The following PLXNA2 variants were observed in gnomAD, a reference collection of about 807,000 sequenced individuals.
PLXNA2 encodes plexin A2.
PLXNA2 carries 91 observed loss-of-function variants against 193.5 expected under a neutral mutation model. That is an observed-to-expected ratio of 0.47 (90% CI 0.40 to 0.56). PLXNA2 has a LOEUF of 0.56. PLXNA2 is among the 20% of genes least tolerant of loss of function. PLXNA2 has a pLI of 0.00. For missense variants in PLXNA2, 1,995 were observed against 2,503.2 expected, an observed-to-expected ratio of 0.80 and a Z score of 4.33; for synonymous variants, 997 against 1,027.3, an observed-to-expected ratio of 0.97 and a Z score of 0.56.
Position 208,236,415 on chromosome 1 carries a change from G to A in PLXNA2, c.-81+7228C>T, listed in dbSNP as rs1558260132. Among the ~76,000 whole-genome samples the A allele has an allele frequency of 6.6e-6, 1 of 152,128 alleles. No individual in the cohort carries two copies. The highest frequency in any genetic ancestry group is 6.5e-5 in the Admixed American group (1 of 15,268). On this transcript the variant is annotated intron_variant, in intron 1 of 31. Transcript: ENST00000367033. The surrounding 1 kb of genome is among the most constrained non-coding windows in gnomAD (Gnocchi z 4.4). ...AGCAACATCCCCTCTTGCCACTTCTGTCTGCCCGCTGGTCCTGCTGCCTCT... is the reference window on the plus strand; with the variant it reads ...AGCAACATCCCCTCTTGCCACTTCTATCTGCCCGCTGGTCCTGCTGCCTCT...
intron 1 of PLXNA2, among the ~76,000 whole-genome samples, chr1:208,220,414 T>G (rs566153529): frequency 6.6e-6 from 1 of 152,208 alleles, no homozygotes; most frequent in South Asian, 2.1e-4. Flanking sequence ...CAGTGAGCAC[T>G]TAACTTATGT....
intron 3 of PLXNA2, among the ~76,000 whole-genome samples, chr1:208,146,949 A>G (rs541960354): frequency 6.6e-6 from 1 of 152,342 alleles, no homozygotes; most frequent in Admixed American, 6.5e-5. Context: ...GACAAGGCTC[A>G]GCAGCCAGAT....
intron 3 of PLXNA2, among the ~76,000 whole-genome samples, chr1:208,162,920 T>G (rs1218860309): frequency 6.6e-6 from 1 of 152,194 alleles, no homozygotes; most frequent in African/African-American, 2.4e-5. Context: ...CAAGGCTGAC[T>G]CTGCTAAGTG....
At chr1:208,077,218 C>T (rs960278470) in intron 12 of PLXNA2, among the ~76,000 whole-genome samples, 1 of 152,176 alleles carries the variant, frequency 6.6e-6, no homozygotes, top group African/African-American at 2.4e-5. Context: ...GATGCTCCTT[C>T]ATTTCACAAC....
chr1:208,072,348 G>C (rs1404565206), intron 12 of PLXNA2, among the ~76,000 whole-genome samples: 1 of 152,156 alleles, frequency 6.6e-6, no homozygotes, highest in Non-Finnish European at 1.5e-5. Context: ...CAATGTGCCA[G>C]GTGACTTCAG....
Position 208,130,191 on chromosome 1 carries a change from A to T in PLXNA2, c.1506+12138T>A, listed in dbSNP as rs1668104282. ...TAACCACAAGGCATGCACTCTATGA[A>T]GTGGAGATTGCGGCTGAAAAGCTGA... On this transcript the variant is annotated intron_variant, in intron 4 of 31. Transcript: ENST00000367033. 2.0e-5 allele frequency among the ~76,000 whole-genome samples: 3 copies of T among 152,198 alleles called. No homozygotes were observed. In the South Asian group the frequency reaches 6.2e-4, roughly 31 times the overall value.
intron 4 of PLXNA2, among the ~76,000 whole-genome samples, chr1:208,127,430 T>C (rs751266049): frequency 2.6e-5 from 4 of 152,220 alleles, no homozygotes; most frequent in Non-Finnish European, 2.9e-5. Flanking sequence ...CAATGTGGCA[T>C]GTCTTCTTGT....
intron 3 of PLXNA2, among the ~76,000 whole-genome samples, chr1:208,154,343 C>G (rs1668868907): frequency 6.6e-6 from 1 of 152,206 alleles, no homozygotes; most frequent in Non-Finnish European, 1.5e-5. Flanking sequence ...TCTGAGCATT[C>G]TCAGAATATC....
chr1:208,069,823 A>G (rs146941766), intron 12 of PLXNA2, among the ~76,000 whole-genome samples: 118 of 152,320 alleles, frequency 7.7e-4, no homozygotes, highest in African/African-American at 2.8e-3. Flanking sequence ...GCTCCAAGGT[A>G]TTGAAGATTC....
At chr1:208,110,949 G>A (rs1302678156) in intron 4 of PLXNA2, among the ~76,000 whole-genome samples, 1 of 152,160 alleles carries the variant, frequency 6.6e-6, no homozygotes, top group Non-Finnish European at 1.5e-5. Context: ...ACTCCCCTCT[G>A]TTTTCTAACA....
rs780275690 is a variant in PLXNA2 at position 208,098,965 on chromosome 1, A to G, written c.1612T>C (p.Ser538Pro). 6.2e-7 allele frequency: 1 copy of G among 1,611,040 alleles called. No individual in the cohort carries two copies. Among genetic ancestry groups the G allele is most frequent in the African/African-American group, 1.3e-5 (1 of 74,998 alleles). ...GCCTGTTGGCATTTGTCCCTGCGGG[A>G]GCACCTGCCATAAACACAGATTCAC... is the stretch of plus-strand genomic sequence containing the variant. ...CGWCALHNMCSRRDKCQQAWE... is the reference protein window; with the variant it reads ...CGWCALHNMCPRRDKCQQAWE... The change falls in exon 6 of 32, where the codon TCC becomes CCC. Residue 538 changes from serine (S) to proline (P), a missense_variant. Physicochemically the swap from Ser to Pro is moderately conservative, Grantham distance 74. Coordinates refer to ENST00000367033, the MANE Select transcript of PLXNA2 (RefSeq NM_025179.4).
intron 4 of PLXNA2, among the ~76,000 whole-genome samples, chr1:208,107,202 A>C (rs1360097358): frequency 1.3e-5 from 2 of 152,332 alleles, no homozygotes; most frequent in East Asian, 3.9e-4. Context: ...TCCAGGGTGC[A>C]CTAAATCAGA....
At chr1:208,158,952 C>T (rs1669020995) in intron 3 of PLXNA2, among the ~76,000 whole-genome samples, 1 of 152,338 alleles carries the variant, frequency 6.6e-6, no homozygotes, top group South Asian at 2.1e-4. Flanking sequence ...GGAGTATTCC[C>T]AGGAAGCACA....
intron 9 of PLXNA2, among the ~76,000 whole-genome samples, chr1:208,084,801 T>A (rs1377629742): frequency 6.6e-6 from 1 of 152,224 alleles, no homozygotes; most frequent in African/African-American, 2.4e-5. Flanking sequence ...GCTGTGTGTG[T>A]TACAATTCAG....
In PLXNA2 at chr1:208,186,708, A is replaced by ATTTTGTTTTTTGTTTTTTGTTTTTTGTTT. The variant is rs368056918; in HGVS notation, c.1371+23571_1371+23572insAAACAAAAAACAAAAAACAAAAAACAAAA. Among the ~76,000 whole-genome samples, 2 of 111,698 alleles carry ATTTTGTTTTTTGTTTTTTGTTTTTTGTTT rather than the reference A, an allele frequency of 1.8e-5. 1 individual carries two copies. The highest frequency in any genetic ancestry group is 6.0e-5 in the African/African-American group (2 of 33,194). 73.3% of individuals were successfully genotyped at this position (111,698 alleles called of 152,430 possible). On this transcript the variant is annotated intron_variant, in intron 3 of 31. Transcript: ENST00000367033. ...GGGCTGTCCTGGGAATTGCAATGTT[A>ATTTTGTTTTTTGTTTTTTGTTTTTTGTTT]TTTTATTTTTTTTTTTTTTTTTGAG...
At position 208,197,718 on chromosome 1, in the gene PLXNA2, A is replaced by G. The variant is rs150891674; in HGVS notation, c.1371+12562T>C. On this transcript the variant is annotated intron_variant, in intron 3 of 31. Transcript: ENST00000367033. Reference sequence around the variant, plus strand: ...AGTGTCTTAGCCTAAACTGACTCCCATTAGGTTAGACATAAAGCAGAACTT... The same window carrying G: ...AGTGTCTTAGCCTAAACTGACTCCCGTTAGGTTAGACATAAAGCAGAACTT... Among the ~76,000 whole-genome samples the G allele has an allele frequency of 7.2e-5, 11 of 152,304 alleles. No individual in the cohort carries two copies. In the East Asian group the frequency reaches 2.1e-3, roughly 29 times the overall value.
At chr1:208,058,407 T>G (rs1665510909) in intron 13 of PLXNA2, among the ~76,000 whole-genome samples, 1 of 152,190 alleles carries the variant, frequency 6.6e-6, no homozygotes, top group Non-Finnish European at 1.5e-5. Context: ...AAGCATATGG[T>G]GAATCATTAC....
Position 208,054,404 on chromosome 1 carries a change from C to T in PLXNA2, c.2856+17G>A. The T allele has an allele frequency of 6.3e-7, 1 of 1,582,928 alleles. No homozygotes were observed. Among genetic ancestry groups the T allele is most frequent in the Non-Finnish European group, 8.7e-7 (1 of 1,152,174 alleles). ...CCTCCCTGGGCACCTGCACCTGGCCCTGGACCCAGTACTCACCACGAAGGT... is the reference window on the plus strand; with the variant it reads ...CCTCCCTGGGCACCTGCACCTGGCCTTGGACCCAGTACTCACCACGAAGGT... On this transcript the variant is annotated intron_variant, in intron 14 of 31. Transcript: ENST00000367033.
intron 3 of PLXNA2, among the ~76,000 whole-genome samples, chr1:208,143,517 T>C (rs1245416861): frequency 6.6e-6 from 1 of 152,208 alleles, no homozygotes; most frequent in African/African-American, 2.4e-5. Context: ...ATACAAAAAG[T>C]TGGTGGCAAG....
Sources: gnomAD v4.1 joint callset for allele counts (sites outside exome capture counted in the v4.1 genomes callset) on GRCh38, gnomAD v4.1.1 for gene constraint, Gnocchi (gnomAD v3.1) non-coding constraint, MANE v1.5 for transcripts, NCBI Gene and HGNC (gene_info 2026-07-23, HGNC 2026-07-21) for gene names.